The following TENM4 variants were observed in gnomAD, a reference collection of about 807,000 sequenced individuals.
The protein encoded by TENM4 is teneurin transmembrane protein 4, also known as teneurin-4.
In TENM4, 82 loss-of-function variants were observed where a neutral mutation model predicts 243.3. That is an observed-to-expected ratio of 0.34 (90% confidence interval 0.28 to 0.40). TENM4 has a LOEUF of 0.40. Among genes scored for constraint, TENM4 ranks in the 10% least tolerant of loss-of-function variants. TENM4 has a pLI of 1.00. For synonymous variants in TENM4, 1,412 were observed against 1,456.3 expected, an observed-to-expected ratio of 0.97 and a Z score of 0.69; for missense variants, 3,138 against 3,673.3, an observed-to-expected ratio of 0.85 and a Z score of 3.77.
At chr11:78,858,765 T>A (rs1858742067) in intron 10 of TENM4, among the ~76,000 whole-genome samples, 1 of 152,160 alleles carries the variant, frequency 6.6e-6, no homozygotes, top group Admixed American at 6.5e-5. Context: ...CAAAAAGTCT[T>A]GTGTATACAA....
At chr11:79,129,389 G>C (rs1364736620) in intron 4 of TENM4, among the ~76,000 whole-genome samples, 1 of 152,176 alleles carries the variant, frequency 6.6e-6, no homozygotes, top group Non-Finnish European at 1.5e-5. Context: ...GAACTTGGGG[G>C]AGGGCACAAA....
chr11:79,401,564 A>G (rs1858462198), intron 1 of TENM4, among the ~76,000 whole-genome samples: 1 of 152,220 alleles, frequency 6.6e-6, no homozygotes, highest in South Asian at 2.1e-4. Context: ...AGAAAAAGAA[A>G]ACGTCAATCA....
At chr11:78,671,605 T>G (rs1036816725) in intron 31 of TENM4, among the ~76,000 whole-genome samples, 2 of 152,202 alleles carry the variant, frequency 1.3e-5, no homozygotes, top group African/African-American at 4.8e-5. Flanking sequence ...GCAGAATAGA[T>G]TTACTAAGGC....
intron 19 of TENM4, among the ~76,000 whole-genome samples, chr11:78,746,732 C>T (rs142979076): frequency 2.7e-4 from 41 of 152,292 alleles, no homozygotes; most frequent in African/African-American, 8.9e-4. Context: ...GAAATACCGT[C>T]GTTGTGCCTG....
chr11:79,088,152 T>C (rs756966948), intron 4 of TENM4, among the ~76,000 whole-genome samples: 3 of 152,210 alleles, frequency 2.0e-5, no homozygotes, highest in African/African-American at 4.8e-5. Flanking sequence ...TAATCTCAGT[T>C]GTGAAATGTA....
intron 4 of TENM4, among the ~76,000 whole-genome samples, chr11:79,086,985 A>G (rs1860825433): frequency 6.6e-6 from 1 of 152,164 alleles, no homozygotes; most frequent in African/African-American, 2.4e-5. Flanking sequence ...ACTTACCAAA[A>G]TTATATTTAA....
intron 1 of TENM4, among the ~76,000 whole-genome samples, chr11:79,391,466 T>A (rs556854144): frequency 1.4e-4 from 22 of 152,308 alleles, no homozygotes; most frequent in African/African-American, 4.8e-4. Context: ...GAAAATTGAT[T>A]TATGCAGTCT....
intron 1 of TENM4, among the ~76,000 whole-genome samples, chr11:79,299,056 C>T (rs1275230553): frequency 1.6e-5 from 2 of 124,440 alleles, no homozygotes; most frequent in Non-Finnish European, 3.3e-5. Context: ...GTGTGAGGTG[C>T]TGTATCCACA....
chr11:78,894,959 G>A (rs1329890154), intron 7 of TENM4, among the ~76,000 whole-genome samples: 1 of 134,220 alleles, frequency 7.5e-6, no homozygotes, highest in Admixed American at 8.8e-5. Context: ...ACTCCAGTCC[G>A]GTCCAACGAG....
chr11:79,078,836 C>A (rs1860594050), intron 4 of TENM4, among the ~76,000 whole-genome samples: 1 of 152,194 alleles, frequency 6.6e-6, no homozygotes, highest in Non-Finnish European at 1.5e-5. Flanking sequence ...GGTTAAGTAT[C>A]CTGCCTGGAA....
chr11:79,438,001 C>G lies in TENM4; in HGVS notation c.-321+2508G>C, dbSNP rs1193408701. Among the ~76,000 whole-genome samples the G allele has an allele frequency of 6.6e-6, 1 of 152,140 alleles. No individual in the cohort carries two copies. Among genetic ancestry groups the G allele is most frequent in the African/African-American group, 2.4e-5 (1 of 41,440 alleles). On this transcript the variant is annotated intron_variant, in intron 1 of 33. Coordinates refer to ENST00000278550, the MANE Select transcript of TENM4 (RefSeq NM_001098816.3). The surrounding 1 kb of genome is among the most constrained non-coding windows in gnomAD (Gnocchi z 4.1). Reference sequence around the variant, plus strand: ...GCAGCGGCAGGAAATCCGAAGGGCCCCACAGGTCTGCGGGAGGGAGGATTT... The same window carrying G: ...GCAGCGGCAGGAAATCCGAAGGGCCGCACAGGTCTGCGGGAGGGAGGATTT...
At chr11:79,081,657 G>A (rs879759961) in intron 4 of TENM4, among the ~76,000 whole-genome samples, 1 of 152,054 alleles carries the variant, frequency 6.6e-6, no homozygotes, top group Non-Finnish European at 1.5e-5. Flanking sequence ...TTTTGCTATT[G>A]AGCCCTGGGG....
chr11:79,419,879 T>C (rs555942154), intron 1 of TENM4, among the ~76,000 whole-genome samples: 8 of 152,324 alleles, frequency 5.3e-5, no homozygotes, highest in African/African-American at 1.7e-4. Flanking sequence ...AAATTATTCC[T>C]TAGTTCCTTC....
At chr11:78,997,154 T>A (rs1858196072) in intron 6 of TENM4, among the ~76,000 whole-genome samples, 1 of 152,202 alleles carries the variant, frequency 6.6e-6, no homozygotes, top group Non-Finnish European at 1.5e-5. Context: ...ATAAAGCTCC[T>A]AAGATAGTGT....
rs141198721 is a variant in TENM4 at position 79,263,733 on chromosome 11, A to C, written c.-265+33755T>G. ...TCAGTATCACAATTTCCAATGTCTA[A>C]CAGTAACCCTAGTAACCCAGGACCA... On this transcript the variant is annotated intron_variant, in intron 2 of 33. Transcript: ENST00000278550. 1.1e-4 allele frequency among the ~76,000 whole-genome samples: 16 copies of C among 152,302 alleles called. No homozygotes were observed. In the East Asian group the frequency reaches 3.1e-3, roughly 29 times the overall value.
rs368379990 is a variant in TENM4, at chr11:78,672,241, C to T, written c.5585G>A (p.Arg1862Gln). 8.7e-6 allele frequency: 14 copies of T among 1,613,932 alleles called. No individual in the cohort carries two copies. Among genetic ancestry groups the T allele is most frequent in the East Asian group, 2.2e-5 (1 of 44,898 alleles). ...CCGCCCCGCCTGGTCGTACAGAATC[C>T]GAAGGGTGAACTTGCGGTGGTCATC... ...IYDDHRKFTL[R>Q]ILYDQAGRPS... The change falls in exon 31 of 34, where the codon CGG becomes CAG. Residue 1862 changes from arginine to glutamine, a missense_variant. Arg to Gln is a conservative substitution (Grantham distance 43). Transcript: ENST00000278550.
intron 18 of TENM4, among the ~76,000 whole-genome samples, chr11:78,758,279 A>G (rs1856355976): frequency 6.6e-6 from 1 of 152,246 alleles, no homozygotes; most frequent in African/African-American, 2.4e-5. Flanking sequence ...GGAAGTGCTT[A>G]AAACATAACT....
At chr11:79,152,796 C>T (rs934251693) in intron 3 of TENM4, among the ~76,000 whole-genome samples, 27 of 152,166 alleles carry the variant, frequency 1.8e-4, no homozygotes, top group African/African-American at 6.5e-4. Context: ...ACATAGCCTC[C>T]CAAAATGGTC....
At chr11:79,424,839 C>T (rs1445382571) in intron 1 of TENM4, among the ~76,000 whole-genome samples, 1 of 151,928 alleles carries the variant, frequency 6.6e-6, no homozygotes, top group Admixed American at 6.6e-5. Context: ...GAGGCTAAGG[C>T]AGGAGAATGG....
Sources: allele counts gnomAD v4.1 joint callset (sites outside exome capture counted in the v4.1 genomes callset), GRCh38; gene constraint gnomAD v4.1.1; non-coding constraint Gnocchi (gnomAD v3.1); transcripts MANE v1.5; gene names NCBI Gene and HGNC (gene_info 2026-07-23, HGNC 2026-07-21).